Variants in TENM3 observed in about 807,000 individuals in gnomAD.
TENM3 encodes teneurin-3.
In TENM3, 63 loss-of-function variants were observed where a neutral mutation model predicts 255.1. The ratio of observed to expected loss-of-function variants is 0.25; its 90% CI spans 0.20 to 0.30. The LOEUF is 0.30. Among genes scored for constraint, TENM3 ranks in the 10% least tolerant of loss-of-function variants. The pLI, the probability that TENM3 is intolerant of heterozygous loss-of-function variation, is 1.00. For synonymous variants in TENM3, 1,306 were observed against 1,322.3 expected (o/e 0.99, Z 0.27); for missense variants, 2,929 against 3,461.1 (o/e 0.85, Z 3.86).
At chr4:182,080,487 C>T in the TENM3 span, among the ~76,000 whole-genome samples, 1 of 152,054 alleles carries the variant, frequency 6.6e-6, no homozygotes, top group Non-Finnish European at 1.5e-5. Flanking sequence ...GGTAGTGAAA[C>T]TAGTAAAAAT....
At position 182,800,271 on chromosome 4, in the gene TENM3, T is replaced by G; in HGVS notation, c.8020T>G (p.Ser2674Ala). 1 of 1,594,096 alleles carries G rather than the reference T, an allele frequency of 6.3e-7. No homozygotes were observed. Among genetic ancestry groups the G allele is most frequent in the Non-Finnish European group, 8.5e-7 (1 of 1,178,460 alleles). Reference sequence around the variant, plus strand: ...GGGCTACGACGGGTACTACGTACTCTCGGTGGAGCAGTACCCCGAGCTGGC... The same window carrying G: ...GGGCTACGACGGGTACTACGTACTCGCGGTGGAGCAGTACCCCGAGCTGGC... ...VQGYDGYYVL[S>A]VEQYPELADS... The change falls in exon 28 of 28, where the codon TCG (serine) becomes GCG (alanine). Residue 2674 changes from serine (S) to alanine (A), a missense_variant. Transcript: ENST00000511685.
At chr4:182,527,245 A>C (rs1198449844) in intron 3 of TENM3, among the ~76,000 whole-genome samples, 3 of 152,170 alleles carry the variant, frequency 2.0e-5, no homozygotes, top group Non-Finnish European at 4.4e-5. Flanking sequence ...TTTGAAACAT[A>C]CTTTTGTTTT....
At chr4:182,194,500 G>A (rs369974252) in intron 1 of TENM3, among the ~76,000 whole-genome samples, 9 of 152,290 alleles carry the variant, frequency 5.9e-5, no homozygotes, top group East Asian at 3.9e-4. Context: ...CTTCTTCCAC[G>A]ACGCTTCTTA....
At chr4:181,618,951 ACT>A in the TENM3 span, among the ~76,000 whole-genome samples, 1 of 151,996 alleles carries the variant, frequency 6.6e-6, no homozygotes, top group African/African-American at 2.4e-5. Flanking sequence ...CTGCAGATCC[ACT>A]CTCTACTTCT....
At chr4:181,520,683 A>T in the TENM3 span, among the ~76,000 whole-genome samples, 1 of 152,200 alleles carries the variant, frequency 6.6e-6, no homozygotes, top group African/African-American at 2.4e-5. Context: ...TGAAAGAAAA[A>T]GAAAAGTCTT....
At chr4:182,118,740 T>C in the TENM3 span, among the ~76,000 whole-genome samples, 3 of 152,220 alleles carry the variant, frequency 2.0e-5, no homozygotes, top group African/African-American at 7.2e-5. Flanking sequence ...CTTCTTTAGC[T>C]TGTCAATGTG....
chr4:182,058,174 CA>C, the TENM3 span, among the ~76,000 whole-genome samples: 1 of 80,492 alleles, frequency 1.2e-5, no homozygotes, highest in Non-Finnish European at 2.9e-5. Context: ...TGGGGGGGGG[CA>C]ATTTTTTATT....
the TENM3 span, among the ~76,000 whole-genome samples, chr4:181,667,288 C>T: frequency 6.6e-6 from 1 of 152,096 alleles, no homozygotes; most frequent in South Asian, 2.1e-4. Context: ...CTAATTCTGT[C>T]CCATCCTGCA....
the TENM3 span, among the ~76,000 whole-genome samples, chr4:182,093,359 A>T: frequency 4.6e-5 from 7 of 152,136 alleles, no homozygotes; most frequent in Admixed American, 6.5e-5. Flanking sequence ...AGTCTCTCTC[A>T]ATCCACACAT....
At chr4:181,961,651 C>A in the TENM3 span, among the ~76,000 whole-genome samples, 3 of 152,088 alleles carry the variant, frequency 2.0e-5, no homozygotes, top group Non-Finnish European at 4.4e-5. Context: ...GATCTCCTGA[C>A]CTCGTGATCC....
At chr4:182,176,830 T>A (rs1752521009) in intron 1 of TENM3, among the ~76,000 whole-genome samples, 1 of 146,234 alleles carries the variant, frequency 6.8e-6, no homozygotes, top group Non-Finnish European at 1.5e-5. Context: ...AATTTTTTTT[T>A]TTTTTTTTTT....
the TENM3 span, among the ~76,000 whole-genome samples, chr4:182,013,291 C>A: frequency 0.17 from 25,852 of 152,184 alleles, 2,648 homozygotes; most frequent in Non-Finnish European, 0.22. Context: ...CTAACACTGG[C>A]GTGTTTTTCC....
the TENM3 span, chr4:181,975,395 C>T: frequency 6.6e-6 from 1 of 152,146 alleles, no homozygotes; most frequent in Non-Finnish European, 1.5e-5. Flanking sequence ...TCCTCAGCCC[C>T]CTAAAGTACT....
the TENM3 span, among the ~76,000 whole-genome samples, chr4:181,512,210 C>T: frequency 6.6e-6 from 1 of 152,138 alleles, no homozygotes; most frequent in Admixed American, 6.5e-5. Context: ...TCTACACTCT[C>T]CTCACTACTT....
At chr4:182,243,654 C>T (rs568177857) in intron 1 of TENM3, among the ~76,000 whole-genome samples, 178 bp downstream of exon 1, 25 of 151,868 alleles carry the variant, frequency 1.6e-4, no homozygotes, top group Non-Finnish European at 3.2e-4. Context: ...CAAATCTGGG[C>T]AGTGTTGGGA....
the TENM3 span, among the ~76,000 whole-genome samples, chr4:182,133,145 C>CT: frequency 7.2e-4 from 109 of 152,198 alleles, no homozygotes; most frequent in South Asian, 5.8e-3. Context: ...TTTAAATCTG[C>CT]AATATAAGAG....
chr4:182,174,182 T>A (rs764202532), intron 1 of TENM3, among the ~76,000 whole-genome samples: 1 of 152,104 alleles, frequency 6.6e-6, no homozygotes, highest in Non-Finnish European at 1.5e-5. Context: ...TTTCTCTTTA[T>A]CCATTAACTA....
chr4:182,261,415 CT>C (rs1758783146), intron 1 of TENM3, among the ~76,000 whole-genome samples: 1 of 152,114 alleles, frequency 6.6e-6, no homozygotes, highest in Admixed American at 6.5e-5. Flanking sequence ...GATGTCTCCC[CT>C]GTGGCAGCCA....
chr4:182,025,451 A>G, the TENM3 span, among the ~76,000 whole-genome samples: 3,923 of 152,292 alleles, frequency 0.026, 160 homozygotes, highest in African/African-American at 0.088. Context: ...AACCTTGGCT[A>G]TTGTGAACAC....
Sources: allele counts gnomAD v4.1 joint callset (sites outside exome capture counted in the v4.1 genomes callset), GRCh38; gene constraint gnomAD v4.1.1; transcripts MANE v1.5; gene names NCBI Gene and HGNC (gene_info 2026-07-23, HGNC 2026-07-21).